ADGRL3: variants seen among roughly 807,000 people sequenced by gnomAD.
ADGRL3 encodes calcium-independent alpha-latrotoxin receptor 3.
A neutral mutation model predicts 153.5 loss-of-function variants in ADGRL3; 62 were observed. The ratio of observed to expected loss-of-function variants is 0.40; its 90% confidence interval spans 0.33 to 0.50. ADGRL3 has a LOEUF of 0.50. ADGRL3 is among the 20% of genes least tolerant of loss of function. The pLI is 0.47. For missense variants in ADGRL3, 1,641 were observed against 1,859.4 expected, an observed-to-expected ratio of 0.88 and a Z score of 2.16; for synonymous variants, 710 against 672.5, an observed-to-expected ratio of 1.06 and a Z score of -0.86.
intron 25 of ADGRL3, among the ~76,000 whole-genome samples, chr4:62,052,524 T>C (rs537350000): frequency 3.0e-4 from 46 of 151,644 alleles, no homozygotes; most frequent in African/African-American, 1.1e-3. Context: ...CATATTACTT[T>C]TACAAAACTA....
intron 18 of ADGRL3, among the ~76,000 whole-genome samples, chr4:61,982,898 T>C (rs2099073373): frequency 1.3e-5 from 2 of 152,130 alleles, no homozygotes; most frequent in Non-Finnish European, 2.9e-5. Context: ...CAATTAGTAA[T>C]AATCTCATCA....
chr4:61,860,882 C>T (rs1257570154), intron 9 of ADGRL3, among the ~76,000 whole-genome samples: 1 of 152,062 alleles, frequency 6.6e-6, no homozygotes, highest in East Asian at 1.9e-4. Flanking sequence ...AACATAACAG[C>T]AATAGAAAGT....
intron 5 of ADGRL3, 71 bp downstream of exon 5, chr4:61,587,511 A>G: frequency 8.9e-7 from 1 of 1,120,728 alleles, no homozygotes; most frequent in South Asian, 1.5e-5. Context: ...GTTACATGTT[A>G]AGCATAAGAA....
At chr4:61,653,336 T>C (rs891548389) in intron 5 of ADGRL3, among the ~76,000 whole-genome samples, 2 of 152,166 alleles carry the variant, frequency 1.3e-5, no homozygotes. Context: ...AACAAAGTTA[T>C]GTTATTTAAG....
At chr4:61,631,475 G>A (rs1328756304) in intron 5 of ADGRL3, among the ~76,000 whole-genome samples, 1 of 152,160 alleles carries the variant, frequency 6.6e-6, no homozygotes, top group East Asian at 1.9e-4. Context: ...TAAAGTACCT[G>A]TTAGTATCTC....
At position 61,876,967 on chromosome 4, in the gene ADGRL3, T is replaced by C. The variant is rs555224362; in HGVS notation, c.1481-15689T>C. Among the ~76,000 whole-genome samples the C allele has an allele frequency of 1.1e-4, 17 of 150,372 alleles. No individual in the cohort carries two copies. The East Asian group carries it at 2.9e-3, about 26-fold the overall frequency. On this transcript the variant is annotated intron_variant, in intron 9 of 26. Coordinates refer to ENST00000683033, the MANE Select transcript of ADGRL3 (RefSeq NM_001387552.1). ...CATCATTGAAGATGAGAAGGGACCT[T>C]TTAAGTACACAGGAAATAAACCCAG...
At chr4:62,056,025 C>T (rs569476180) in intron 25 of ADGRL3, among the ~76,000 whole-genome samples, 12 of 151,332 alleles carry the variant, frequency 7.9e-5, no homozygotes, top group African/African-American at 1.9e-4. Flanking sequence ...AATAAAATTA[C>T]GTTGAAACAT....
chr4:61,805,184 C>T (rs2097541214), intron 8 of ADGRL3, among the ~76,000 whole-genome samples: 1 of 151,910 alleles, frequency 6.6e-6, no homozygotes, highest in South Asian at 2.1e-4. Flanking sequence ...CCTCGTGATC[C>T]GCCCGCCTCG....
intron 8 of ADGRL3, among the ~76,000 whole-genome samples, chr4:61,778,380 A>G (rs1007440939): frequency 2.0e-5 from 3 of 152,220 alleles, no homozygotes; most frequent in Non-Finnish European, 4.4e-5. Context: ...CATTTCAAAC[A>G]AACAGCTTTC....
In ADGRL3 at chr4:61,851,888, C is replaced by A. The variant is rs17090552; in HGVS notation, c.1480+37999C>A. On this transcript the variant is annotated intron_variant, in intron 9 of 26. Transcript: ENST00000683033. ...AGCACTGTCAATATACGATAATAGA[C>A]TTGTTTTGCCACACACCTAGAGAAA... 4.6e-3 allele frequency among the ~76,000 whole-genome samples: 697 copies of A among 152,230 alleles called. 5 individuals are homozygous for A. The highest frequency in any genetic ancestry group is 0.016 in the African/African-American group (674 of 41,540).
chr4:61,559,430 C>T (rs2098784477), intron 4 of ADGRL3, among the ~76,000 whole-genome samples: 1 of 151,956 alleles, frequency 6.6e-6, no homozygotes, highest in African/African-American at 2.4e-5. Context: ...TGACTAGATA[C>T]TTAAATAAAA....
intron 8 of ADGRL3, among the ~76,000 whole-genome samples, chr4:61,791,809 G>A (rs926936304): frequency 1.3e-5 from 2 of 152,200 alleles, no homozygotes; most frequent in African/African-American, 2.4e-5. Context: ...GCACCATGTG[G>A]AAGCTGCCAA....
chr4:61,577,215 G>A (rs1490215230), intron 4 of ADGRL3, among the ~76,000 whole-genome samples: 1 of 143,070 alleles, frequency 7.0e-6, no homozygotes, highest in African/African-American at 2.5e-5. Flanking sequence ...TGTGTGTTAG[G>A]GAAATGGGGG....
chr4:61,832,089 G>T (rs2097878217), intron 9 of ADGRL3, among the ~76,000 whole-genome samples: 1 of 152,038 alleles, frequency 6.6e-6, no homozygotes, highest in Non-Finnish European at 1.5e-5. Flanking sequence ...CACTGAACAT[G>T]AAATGACAAA....
At chr4:61,766,737 G>A (rs2096986084) in intron 8 of ADGRL3, among the ~76,000 whole-genome samples, 2 of 151,944 alleles carry the variant, frequency 1.3e-5, no homozygotes, top group Admixed American at 6.6e-5. Flanking sequence ...AAAGCGAAGA[G>A]AGGCTGGGAT....
rs2148681687 is a variant in ADGRL3, at chr4:61,202,141, C to G, written c.-240+376C>G. On this transcript the variant is annotated intron_variant, in intron 1 of 26. Transcript: ENST00000683033. This position sits in a 1 kb window ranked among gnomAD's most constrained non-coding sequence, Gnocchi z 5.0. ...CCCCAGTGGCATCCCCTGGTGGGGG[C>G]AGAAAGCGGACAGGAGGGCGACTTT... is the stretch of plus-strand genomic sequence containing the variant. The G allele has an allele frequency of 6.5e-6, 1 of 153,100 alleles. No homozygotes were observed. Among genetic ancestry groups the G allele is most frequent in the Admixed American group, 6.5e-5 (1 of 15,306 alleles). The allele number at this position is 153,100 out of a possible 1,614,324, so 9.5% of individuals were successfully genotyped here.
rs143066946 is a variant in ADGRL3, at chr4:61,770,096, T to G, written c.1399+36542T>G. On this transcript the variant is annotated intron_variant, in intron 8 of 26. Transcript: ENST00000683033. ...AGATCTTAGAGTTTTATTCTAAAAT[T>G]TTAGTCATGATTCAGTAAAACGTAT... is the stretch of plus-strand genomic sequence containing the variant. Among the ~76,000 whole-genome samples, 602 of 152,306 alleles carry G rather than the reference T, an allele frequency of 4.0e-3. 2 individuals carry two copies. Among genetic ancestry groups the G allele is most frequent in the African/African-American group, 0.014 (563 of 41,566 alleles).
chr4:61,354,599 T>TGTGTGC (rs973809061), intron 1 of ADGRL3, among the ~76,000 whole-genome samples: 2 of 151,382 alleles, frequency 1.3e-5, no homozygotes, highest in African/African-American at 4.9e-5. Flanking sequence ...TGTGTGTGTG[T>TGTGTGC]GCGCTTTAGT....
chr4:61,612,333 T>A (rs1227489603), intron 5 of ADGRL3, among the ~76,000 whole-genome samples: 1 of 152,084 alleles, frequency 6.6e-6, no homozygotes, highest in Non-Finnish European at 1.5e-5. Context: ...TTGTGACAGA[T>A]CTCCAAATGA....
Sources: allele counts gnomAD v4.1 joint callset (sites outside exome capture counted in the v4.1 genomes callset), GRCh38; gene constraint gnomAD v4.1.1; non-coding constraint Gnocchi (gnomAD v3.1); transcripts MANE v1.5; gene names NCBI Gene and HGNC (gene_info 2026-07-23, HGNC 2026-07-21).